The following PTPRG variants were observed in gnomAD, a reference collection of about 807,000 sequenced individuals.
PTPRG encodes protein tyrosine phosphatase receptor type G, also known as receptor-type tyrosine-protein phosphatase gamma.
A neutral mutation model predicts 165.3 loss-of-function variants in PTPRG; 102 were observed. The observed-to-expected ratio is 0.62, with a 90% CI of 0.53 to 0.73. PTPRG has a LOEUF of 0.73. PTPRG is among the 30% of genes least tolerant of loss of function. PTPRG has a pLI of 0.00. For synonymous variants in PTPRG, 675 were observed against 669.5 expected (o/e 1.01, Z -0.13); for missense variants, 1,866 against 1,861.4 (o/e 1.00, Z -0.05).
chr3:61,637,092 A>G (rs1701931097), intron 1 of PTPRG, among the ~76,000 whole-genome samples: 1 of 152,216 alleles, frequency 6.6e-6, no homozygotes, highest in South Asian at 2.1e-4. Context: ...GTCTTCTCTT[A>G]GCCATTGTTC....
intron 2 of PTPRG, among the ~76,000 whole-genome samples, chr3:61,954,707 A>G (rs573039866): frequency 6.6e-6 from 1 of 152,346 alleles, no homozygotes; most frequent in African/African-American, 2.4e-5. Context: ...AAAACCGCAT[A>G]CTACATCCAT....
At chr3:62,238,903 G>C (rs1701092289) in intron 14 of PTPRG, among the ~76,000 whole-genome samples, 1 of 152,142 alleles carries the variant, frequency 6.6e-6, no homozygotes, top group Non-Finnish European at 1.5e-5. Flanking sequence ...GGGGGAAGTA[G>C]AAGATAACTA....
chr3:61,777,672 G>C (rs537341058), intron 2 of PTPRG, among the ~76,000 whole-genome samples: 10 of 152,148 alleles, frequency 6.6e-5, no homozygotes, highest in Non-Finnish European at 1.5e-4. Context: ...GTGGAAATCC[G>C]GGAAGACTTT....
chr3:61,685,201 A>G (rs1204622717), intron 1 of PTPRG, among the ~76,000 whole-genome samples: 1 of 152,246 alleles, frequency 6.6e-6, no homozygotes. Flanking sequence ...ATTTGGAATT[A>G]TCAGTGGAGG....
intron 2 of PTPRG, among the ~76,000 whole-genome samples, chr3:61,783,055 C>T (rs2034591462): frequency 6.6e-6 from 1 of 152,196 alleles, no homozygotes; most frequent in Admixed American, 6.5e-5. Flanking sequence ...ATCCTCCTGC[C>T]TCAGCCTCCT....
intron 3 of PTPRG, among the ~76,000 whole-genome samples, chr3:61,997,564 C>A (rs1013703864): frequency 1.3e-5 from 2 of 152,154 alleles, no homozygotes; most frequent in Non-Finnish European, 2.9e-5. Flanking sequence ...TCAGCTCAGA[C>A]CATGACACCC....
chr3:61,704,911 C>T (rs1054954971), intron 1 of PTPRG, among the ~76,000 whole-genome samples: 3 of 152,184 alleles, frequency 2.0e-5, no homozygotes, highest in Non-Finnish European at 4.4e-5. Context: ...TGCAATTTGA[C>T]AGTTTCTGCT....
At chr3:61,762,314 C>G (rs1433390073) in intron 2 of PTPRG, among the ~76,000 whole-genome samples, 1 of 152,136 alleles carries the variant, frequency 6.6e-6, no homozygotes, top group Non-Finnish European at 1.5e-5. Context: ...ACCTGCTGTG[C>G]CAGAAAGAAC....
intron 1 of PTPRG, among the ~76,000 whole-genome samples, chr3:61,735,087 C>T (rs922243465): frequency 1.3e-5 from 2 of 152,156 alleles, no homozygotes; most frequent in African/African-American, 2.4e-5. Context: ...TTAAATAGCT[C>T]TTCTTCCCAA....
chr3:62,078,368 C>A, intron 5 of PTPRG, 110 bp downstream of exon 5: 4 of 639,486 alleles, frequency 6.3e-6, no homozygotes, highest in South Asian at 2.2e-5. Flanking sequence ...TCACACCTGT[C>A]CAAATGAAAG....
intron 2 of PTPRG, among the ~76,000 whole-genome samples, chr3:61,884,250 G>T (rs1287258491): frequency 6.6e-6 from 1 of 152,142 alleles, no homozygotes; most frequent in Non-Finnish European, 1.5e-5. Flanking sequence ...GTAAGTGGCA[G>T]AATAGTGATT....
At chr3:61,704,257 A>T (rs2031132149) in intron 1 of PTPRG, among the ~76,000 whole-genome samples, 1 of 152,178 alleles carries the variant, frequency 6.6e-6, no homozygotes, top group Non-Finnish European at 1.5e-5. Flanking sequence ...TAAAAAGGGT[A>T]TAGTAACTGT....
At chr3:61,675,320 G>T (rs1703183597) in intron 1 of PTPRG, among the ~76,000 whole-genome samples, 1 of 152,150 alleles carries the variant, frequency 6.6e-6, no homozygotes, top group Non-Finnish European at 1.5e-5. Flanking sequence ...AGAAAAATAA[G>T]ATTTAGCAGT....
Position 62,255,188 on chromosome 3 carries a change from C to T in PTPRG, c.2532C>T (p.Asn844=). 1 of 1,612,800 alleles carries T rather than the reference C, an allele frequency of 6.2e-7. No individual in the cohort carries two copies. Among genetic ancestry groups the T allele is most frequent in the Non-Finnish European group, 8.5e-7 (1 of 1,179,336 alleles). The change falls in exon 16 of 30, where the codon AAC becomes AAT. Residue 844 remains asparagine, a synonymous_variant. Transcript: ENST00000474889. The surrounding 1 kb of genome is among the most constrained non-coding windows in gnomAD (Gnocchi z 4.0). The stretch of plus-strand genomic sequence containing the variant: ...ACATCGGTGAGCTCTATTCTAATAA[C>T]CAGCATGGGTTCTCTGAGGATTTTG... ...VKHIGELYSN[N]QHGFSEDFEE... is the part of the protein sequence containing the mutation.
chr3:61,907,052 A>T (rs1035351412), intron 2 of PTPRG, among the ~76,000 whole-genome samples: 2 of 152,194 alleles, frequency 1.3e-5, no homozygotes, highest in Non-Finnish European at 2.9e-5. Context: ...GTTTGAAATT[A>T]TAAAGCATTT....
intron 13 of PTPRG, among the ~76,000 whole-genome samples, chr3:62,221,524 A>C (rs2106894118): frequency 6.6e-6 from 1 of 152,350 alleles, no homozygotes; most frequent in Admixed American, 6.5e-5. Flanking sequence ...GAGCTCACAT[A>C]GAAAATTGGT....
intron 7 of PTPRG, among the ~76,000 whole-genome samples, chr3:62,161,712 A>G (rs1345225179): frequency 6.6e-6 from 1 of 152,212 alleles, no homozygotes; most frequent in Non-Finnish European, 1.5e-5. Context: ...CTGTAGCCAC[A>G]GGAGGGGCAT....
At chr3:62,274,711 T>G (rs1180856920) in intron 23 of PTPRG, among the ~76,000 whole-genome samples, 2 of 152,144 alleles carry the variant, frequency 1.3e-5, no homozygotes, top group African/African-American at 4.8e-5. Context: ...CCAAGTGATA[T>G]GAAATGAAAA....
At chr3:61,997,678 C>T (rs1359011905) in intron 3 of PTPRG, among the ~76,000 whole-genome samples, 1 of 152,302 alleles carries the variant, frequency 6.6e-6, no homozygotes, top group East Asian at 1.9e-4. Context: ...TCCTTCCCAT[C>T]GGCTGTAAGT....
Sources: allele counts gnomAD v4.1 joint callset (sites outside exome capture counted in the v4.1 genomes callset), GRCh38; gene constraint gnomAD v4.1.1; non-coding constraint Gnocchi (gnomAD v3.1); transcripts MANE v1.5; gene names NCBI Gene and HGNC (gene_info 2026-07-23, HGNC 2026-07-21).